Variants in PTPN12 observed in about 807,000 individuals in gnomAD.
The protein encoded by PTPN12 is protein tyrosine phosphatase non-receptor type 12.
A neutral mutation model predicts 97.6 loss-of-function variants in PTPN12; 29 were observed. That is an observed-to-expected ratio of 0.30 (90% CI 0.22 to 0.41). The LOEUF (loss-of-function observed/expected upper bound fraction) is 0.41, where lower values mean the gene tolerates loss of function less well. Ranked by LOEUF, PTPN12 falls within the 10% of genes least tolerant of loss-of-function variation. The probability of loss-of-function intolerance (pLI) is 1.00; values close to 1 mark genes in which losing one functional copy is unlikely to be tolerated. For synonymous variants in PTPN12, 327 were observed against 300.4 expected (o/e 1.09, Z -0.91); for missense variants, 819 against 926.0 (o/e 0.88, Z 1.50).
At chr7:77,592,147 AC>A (rs1787887496) in intron 5 of PTPN12, 37 bp from the exon 6 acceptor site, 1 of 1,529,124 alleles carries the variant, frequency 6.5e-7, no homozygotes, top group Non-Finnish European at 9.0e-7. Context: ...AGAAAAACTT[AC>A]ATGAATTACT....
intron 7 of PTPN12, among the ~76,000 whole-genome samples, chr7:77,599,317 CTTTTTTTT>C (rs10624183): frequency 8.1e-6 from 1 of 123,892 alleles, no homozygotes; most frequent in African/African-American, 3.1e-5. Flanking sequence ...AGCGCCCCGA[CTTTTTTTT>C]TTTTTTTTTT....
At chr7:77,629,300 T>C (rs891977193) in intron 13 of PTPN12, among the ~76,000 whole-genome samples, 1 of 152,234 alleles carries the variant, frequency 6.6e-6, no homozygotes, top group Admixed American at 6.5e-5. Flanking sequence ...CTTTTCTTGA[T>C]TTATCTTTGT....
At position 77,538,534 on chromosome 7, in the gene PTPN12, C is replaced by A. The variant is rs978176820; in HGVS notation, c.99+889C>A. On this transcript the variant is annotated intron_variant, in intron 1 of 17. Transcript: ENST00000248594. ...GAACTGGGAGATAACCTTCCCAGCGCCCCCCCGCCTCCGCCACCCCCTACT... is the reference window on the plus strand; with the variant it reads ...GAACTGGGAGATAACCTTCCCAGCGACCCCCCGCCTCCGCCACCCCCTACT... Among the ~76,000 whole-genome samples the A allele has an allele frequency of 4.0e-5, 6 of 151,446 alleles. No homozygotes were observed. In the East Asian group the frequency reaches 1.2e-3, roughly 30 times the overall value.
rs531036308 is a variant in PTPN12 at position 77,537,760 on chromosome 7, G to T, written c.99+115G>T. ...CTCTGTGAGGAGAGGGGCGGAGGGG[G>T]CGCGCACCAGCCGGGTGAGCCGGGT... On this transcript the variant is annotated intron_variant, in intron 1 of 17. Transcript: ENST00000248594. 1,079 of 1,139,574 alleles carry T rather than the reference G, an allele frequency of 9.5e-4. 6 individuals are homozygous for T. In the African/African-American group the frequency reaches 0.01, roughly 11 times the overall value. The allele number at this position is 1,139,574 out of a possible 1,614,324, so 70.6% of individuals were successfully genotyped here.
chr7:77,562,958 CAAA>C (rs10650218), intron 1 of PTPN12, among the ~76,000 whole-genome samples: 1 of 133,212 alleles, frequency 7.5e-6, no homozygotes, highest in Non-Finnish European at 1.6e-5. Context: ...CTAGGCTATG[CAAA>C]AAAAAAAAAA....
At chr7:77,629,667 G>T (rs1229175071) in intron 13 of PTPN12, among the ~76,000 whole-genome samples, 2 of 151,916 alleles carry the variant, frequency 1.3e-5, no homozygotes, top group African/African-American at 4.8e-5. Flanking sequence ...TGACGAGTCT[G>T]TTGGTGGCTC....
chr7:77,554,312 A>G (rs1471120180), intron 1 of PTPN12, among the ~76,000 whole-genome samples: 1 of 152,154 alleles, frequency 6.6e-6, no homozygotes, highest in Non-Finnish European at 1.5e-5. Flanking sequence ...TGCAATGTAT[A>G]TTTCCAGCAA....
chr7:77,543,665 G>A (rs1438712031), intron 1 of PTPN12, among the ~76,000 whole-genome samples: 1 of 152,034 alleles, frequency 6.6e-6, no homozygotes, highest in African/African-American at 2.4e-5. Context: ...CCCATTAGCA[G>A]TCACTCCCCG....
intron 8 of PTPN12, among the ~76,000 whole-genome samples, chr7:77,605,877 C>T (rs938712613): frequency 1.3e-5 from 2 of 150,848 alleles, no homozygotes; most frequent in African/African-American, 4.9e-5. Flanking sequence ...GCATTCTTCA[C>T]CTTTCCTATA....
At position 77,537,593 on chromosome 7, in the gene PTPN12, C is replaced by T. The variant is rs746868240; in HGVS notation, c.47C>T (p.Ala16Val). The part of the protein sequence containing the change: ...ILRKFIQRVQ[A>V]MKSPDHNGED... ...AGGAAATTCATCCAGAGGGTCCAGG[C>T]CATGAAGAGTCCTGACCACAATGGG... Residue 16 changes from alanine (A) to valine (V), a missense_variant, in exon 1 of 18, where the codon GCC (alanine) becomes GTC (valine). Around this residue, in one of 5 missense-constraint regions of PTPN12, gnomAD observed 59 missense variants for 42.2 expected, o/e 1.40. Transcript: ENST00000248594. 1.9e-6 allele frequency: 3 copies of T among 1,605,814 alleles called. No individual in the cohort carries two copies. Among genetic ancestry groups the T allele is most frequent in the East Asian group, 4.5e-5 (2 of 43,986 alleles).
At chr7:77,613,167 G>GTTTTTTTTTT in intron 11 of PTPN12, among the ~76,000 whole-genome samples, 1 of 88,560 alleles carries the variant, frequency 1.1e-5, no homozygotes, top group Non-Finnish European at 2.0e-5. Flanking sequence ...TAATTTTTGG[G>GTTTTTTTTTT]TTTTTTTTTT....
At chr7:77,574,482 T>A (rs888367360) in intron 2 of PTPN12, among the ~76,000 whole-genome samples, 2 of 151,980 alleles carry the variant, frequency 1.3e-5, no homozygotes, top group Non-Finnish European at 2.9e-5. Context: ...ACACAGGCGG[T>A]TTTAAAGCCT....
intron 4 of PTPN12, among the ~76,000 whole-genome samples, chr7:77,584,801 C>T (rs970187600): frequency 6.6e-6 from 1 of 151,200 alleles, no homozygotes; most frequent in Non-Finnish European, 1.5e-5. Flanking sequence ...GGCGTGAACC[C>T]GGGAGGCAGC....
intron 2 of PTPN12, among the ~76,000 whole-genome samples, chr7:77,571,692 ATATTT>A (rs1258200217): frequency 7.4e-6 from 1 of 135,168 alleles, no homozygotes; most frequent in Non-Finnish European, 1.5e-5. Context: ...CATTCTAATG[ATATTT>A]TATTTATTTA....
chr7:77,572,500 T>C (rs1264509474), intron 2 of PTPN12, among the ~76,000 whole-genome samples: 2 of 152,142 alleles, frequency 1.3e-5, no homozygotes, highest in South Asian at 2.1e-4. Flanking sequence ...TTTCCCTCTT[T>C]TCTCCACTAA....
chr7:77,609,559 T>C (rs969223887), intron 9 of PTPN12, among the ~76,000 whole-genome samples: 1 of 149,444 alleles, frequency 6.7e-6, no homozygotes, highest in Non-Finnish European at 1.5e-5. Context: ...CATGAGCCAC[T>C]GCACCCGGCC....
intron 11 of PTPN12, among the ~76,000 whole-genome samples, chr7:77,613,036 G>C (rs527647988): frequency 1.3e-5 from 2 of 151,882 alleles, no homozygotes; most frequent in African/African-American, 4.8e-5. Flanking sequence ...CTCCCAAAGT[G>C]CTAGGATTAT....
rs1266036592 is a variant in PTPN12 at position 77,593,928 on chromosome 7, A to C, written c.492+1672A>C. ...TGTCATTGCTGAGTTCTTGAACTCC[A>C]TAATTTTATGACTTAGTTATACTCA... On this transcript the variant is annotated intron_variant, in intron 6 of 17. Coordinates refer to ENST00000248594, the MANE Select transcript of PTPN12 (RefSeq NM_002835.4). 1.3e-5 allele frequency among the ~76,000 whole-genome samples: 2 copies of C among 152,230 alleles called. 1 individual carries two copies. Among genetic ancestry groups the C allele is most frequent in the Non-Finnish European group, 2.9e-5 (2 of 68,044 alleles).
At chr7:77,617,195 G>T (rs1788782750) in intron 11 of PTPN12, among the ~76,000 whole-genome samples, 1 of 152,152 alleles carries the variant, frequency 6.6e-6, no homozygotes, top group Admixed American at 6.6e-5. Context: ...CACACTAGTT[G>T]TCTAGGTTTA....
Sources: gnomAD v4.1 joint callset for allele counts (sites outside exome capture counted in the v4.1 genomes callset) on GRCh38, gnomAD v4.1.1 for gene constraint, gnomAD v4.1.1 regional missense constraint, MANE v1.5 for transcripts, NCBI Gene and HGNC (gene_info 2026-07-23, HGNC 2026-07-21) for gene names.